The following RAI14 variants were observed in gnomAD, a reference collection of about 807,000 sequenced individuals.
RAI14 encodes retinoic acid induced 14.
In RAI14, 45 loss-of-function variants were observed where a neutral mutation model predicts 115.4. The ratio of observed to expected loss-of-function variants is 0.39; its 90% CI spans 0.31 to 0.50. RAI14 has a LOEUF of 0.50. Among genes scored for constraint, RAI14 ranks in the 20% least tolerant of loss-of-function variants. The pLI, the probability that RAI14 is intolerant of heterozygous loss-of-function variation, is 0.85. For missense variants in RAI14, 939 were observed against 1,131.2 expected (o/e 0.83, Z 2.44); for synonymous variants, 371 against 415.4 (o/e 0.89, Z 1.30).
intron 4 of RAI14, among the ~76,000 whole-genome samples, chr5:34,801,761 T>C (rs1007155269): frequency 5.3e-5 from 8 of 151,438 alleles, no homozygotes; most frequent in Non-Finnish European, 1.2e-4. Context: ...ATTTGGGGCC[T>C]GGGCCACCAT....
Position 34,796,713 on chromosome 5 carries a change from T to G in RAI14, c.256+686T>G, listed in dbSNP as rs1753578801. On this transcript the variant is annotated intron_variant, in intron 4 of 17. Transcript: ENST00000265109. ...AGATAGGCTCTGTAGATGGAAGCCT[T>G]GAACTTCATCTGGACCAGCTGCCCA... Among the ~76,000 whole-genome samples, 3 of 152,126 alleles carry G rather than the reference T, an allele frequency of 2.0e-5. 1 individual carries two copies. In the South Asian group the frequency reaches 6.2e-4, roughly 31 times the overall value.
At chr5:34,688,305 AC>A in intron 2 of RAI14, 1 of 1,450,354 alleles carries the variant, frequency 6.9e-7, no homozygotes. Context: ...AAATTTTGTG[AC>A]CAGGTTAACA....
intron 6 of RAI14, 68 bp downstream of exon 6, chr5:34,807,925 A>C (rs1755121283): frequency 8.0e-7 from 1 of 1,253,442 alleles, no homozygotes; most frequent in African/African-American, 1.5e-5. Context: ...TTCCTTATTC[A>C]GGCCATTAAC....
At chr5:34,720,466 A>G (rs1363075152) in intron 2 of RAI14, among the ~76,000 whole-genome samples, 1 of 127,326 alleles carries the variant, frequency 7.9e-6, no homozygotes, top group Non-Finnish European at 1.5e-5. Flanking sequence ...GCTGGAGTGC[A>G]GTGGCGCAAT....
intron 3 of RAI14, among the ~76,000 whole-genome samples, chr5:34,780,071 C>T (rs150237088): frequency 0.027 from 4,110 of 152,198 alleles, 196 homozygotes; most frequent in African/African-American, 0.093. Flanking sequence ...TAATACTACA[C>T]ATCTACAACC....
chr5:34,718,632 A>T (rs957398032), intron 2 of RAI14, among the ~76,000 whole-genome samples: 8 of 152,208 alleles, frequency 5.3e-5, no homozygotes, highest in Non-Finnish European at 8.8e-5. Context: ...CCAGGTTGGG[A>T]TCTACTGGGA....
intron 3 of RAI14, among the ~76,000 whole-genome samples, chr5:34,774,372 A>T (rs1750573989): frequency 6.6e-6 from 1 of 152,162 alleles, no homozygotes; most frequent in Non-Finnish European, 1.5e-5. Context: ...CTCTGCACAA[A>T]AATAAACAAA....
At chr5:34,777,816 A>C (rs1454454669) in intron 3 of RAI14, among the ~76,000 whole-genome samples, 1 of 152,096 alleles carries the variant, frequency 6.6e-6, no homozygotes, top group African/African-American at 2.4e-5. Flanking sequence ...TGATCTCATG[A>C]AGACAGAGAA....
chr5:34,803,255 T>C (rs1175647038), intron 4 of RAI14, among the ~76,000 whole-genome samples: 4 of 152,124 alleles, frequency 2.6e-5, no homozygotes, highest in Admixed American at 2.0e-4. Context: ...CTCGCAAGAA[T>C]AACAGTTCCA....
At chr5:34,698,301 G>A (rs1040914861) in intron 2 of RAI14, among the ~76,000 whole-genome samples, 1 of 150,564 alleles carries the variant, frequency 6.6e-6, no homozygotes, top group Non-Finnish European at 1.5e-5. Flanking sequence ...TGAGGATTAG[G>A]ATAAAATCTG....
chr5:34,770,172 C>G (rs1054038816), intron 3 of RAI14, among the ~76,000 whole-genome samples: 2 of 152,172 alleles, frequency 1.3e-5, no homozygotes, highest in South Asian at 4.1e-4. Context: ...GCCCATTCCC[C>G]GGTGATGCGG....
intron 1 of RAI14, among the ~76,000 whole-genome samples, chr5:34,661,630 A>G (rs951224367): frequency 7.2e-5 from 11 of 152,162 alleles, no homozygotes; most frequent in Admixed American, 5.9e-4. Flanking sequence ...TTTTCTCCCA[A>G]CATTTTGCCT....
intron 2 of RAI14, among the ~76,000 whole-genome samples, chr5:34,691,188 G>A (rs1402783730): frequency 2.6e-5 from 4 of 152,138 alleles, no homozygotes; most frequent in Non-Finnish European, 5.9e-5. Flanking sequence ...AGGGGAGACA[G>A]CTTGCAGCAC....
chr5:34,828,220 G>A (rs1757641291), intron 16 of RAI14, among the ~76,000 whole-genome samples: 1 of 152,176 alleles, frequency 6.6e-6, no homozygotes, highest in African/African-American at 2.4e-5. Flanking sequence ...GTGGTGGTTA[G>A]GGTGTGGGAT....
intron 2 of RAI14, among the ~76,000 whole-genome samples, chr5:34,734,003 C>T (rs1744532580): frequency 6.6e-6 from 1 of 152,236 alleles, no homozygotes; most frequent in Admixed American, 6.5e-5. Context: ...ATCCCTGCCG[C>T]TCCCAGCTGG....
At chr5:34,691,014 T>G (rs1416008553) in intron 2 of RAI14, among the ~76,000 whole-genome samples, 2 of 152,298 alleles carry the variant, frequency 1.3e-5, no homozygotes, top group East Asian at 3.9e-4. Context: ...AGTTGTTAAG[T>G]TATAAGGCCT....
chr5:34,789,130 T>A (rs574923474), intron 3 of RAI14, among the ~76,000 whole-genome samples: 2 of 152,308 alleles, frequency 1.3e-5, no homozygotes, highest in East Asian at 3.9e-4. Context: ...TAATGAGTCA[T>A]GTGCTGGCCT....
chr5:34,767,591 G>GCCCCCCCCCCCCCCCCCCCCCCC (rs1561334151), intron 3 of RAI14, among the ~76,000 whole-genome samples: 3 of 116,750 alleles, frequency 2.6e-5, no homozygotes, highest in African/African-American at 6.6e-5. Flanking sequence ...CACCGCCACC[G>GCCCCCCCCCCCCCCCCCCCCCCC]CCCCCACCAC....
chr5:34,794,319 A>C (rs1753259208), intron 3 of RAI14, among the ~76,000 whole-genome samples: 1 of 152,086 alleles, frequency 6.6e-6, no homozygotes, highest in African/African-American at 2.4e-5. Context: ...GCTATTCAGT[A>C]GGCTGAGGCA....
Sources: allele counts gnomAD v4.1 joint callset (sites outside exome capture counted in the v4.1 genomes callset), GRCh38; gene constraint gnomAD v4.1.1; transcripts MANE v1.5; gene names NCBI Gene and HGNC (gene_info 2026-07-23, HGNC 2026-07-21).